Variants in RBFOX1 observed in about 807,000 individuals in gnomAD.
The protein encoded by RBFOX1 is RNA binding fox-1 homolog 1.
A neutral mutation model predicts 57.7 loss-of-function variants in RBFOX1; 8 were observed. That is an observed-to-expected ratio of 0.14 (90% CI 0.08 to 0.25). RBFOX1 has a LOEUF of 0.25. RBFOX1 is among the 10% of genes least tolerant of loss of function. The probability of loss-of-function intolerance (pLI) is 1.00; values close to 1 mark genes in which losing one functional copy is unlikely to be tolerated. For missense variants in RBFOX1, 611 were observed against 548.5 expected, an observed-to-expected ratio of 1.11 and a Z score of -1.14; for synonymous variants, 326 against 222.4, an observed-to-expected ratio of 1.47 and a Z score of -4.15.
chr16:5,496,447 C>G (rs1180775642), intron 2 of RBFOX1, among the ~76,000 whole-genome samples: 1 of 152,068 alleles, frequency 6.6e-6, no homozygotes, highest in Admixed American at 6.6e-5. Flanking sequence ...TCGAATGTGT[C>G]CATCTCAGAG....
At chr16:5,273,512 G>A (rs1260503245) in intron 1 of RBFOX1, among the ~76,000 whole-genome samples, 2 of 152,154 alleles carry the variant, frequency 1.3e-5, no homozygotes, top group African/African-American at 2.4e-5. Context: ...TGAAGAGGGC[G>A]GGTGAAGCTT....
chr16:5,319,160 T>A (rs368356315), intron 1 of RBFOX1, among the ~76,000 whole-genome samples: 2 of 148,848 alleles, frequency 1.3e-5, no homozygotes, highest in African/African-American at 5.1e-5. Context: ...CAAAAAAACA[T>A]AAAAAACCAG....
At chr16:6,450,441 A>G (rs75036208) in intron 2 of RBFOX1, among the ~76,000 whole-genome samples, 3,227 of 151,762 alleles carry the variant, frequency 0.021, 102 homozygotes, top group African/African-American at 0.071. Context: ...TATTTTCACA[A>G]TATAGGTACC....
At chr16:7,148,446 A>T (rs2075467379) in intron 4 of RBFOX1, among the ~76,000 whole-genome samples, 1 of 152,178 alleles carries the variant, frequency 6.6e-6, no homozygotes, top group Non-Finnish European at 1.5e-5. Flanking sequence ...TGTATTTTAA[A>T]ACCTCTTTTG....
chr16:7,010,865 C>G (rs912722033), intron 3 of RBFOX1, among the ~76,000 whole-genome samples: 1 of 152,210 alleles, frequency 6.6e-6, no homozygotes, highest in Non-Finnish European at 1.5e-5. Flanking sequence ...GCATGAGCCA[C>G]TGCTCCCGGC....
chr16:5,710,999 C>A (rs1002034062), intron 3 of RBFOX1, among the ~76,000 whole-genome samples: 1 of 152,132 alleles, frequency 6.6e-6, no homozygotes, highest in Non-Finnish European at 1.5e-5. Context: ...TTGTGCCTGA[C>A]CCTAGGGTAA....
chr16:7,531,288 A>G (rs1038882818), intron 5 of RBFOX1, among the ~76,000 whole-genome samples: 1 of 152,210 alleles, frequency 6.6e-6, no homozygotes, highest in Non-Finnish European at 1.5e-5. Flanking sequence ...AAGTTACAAA[A>G]GAGGAAGCAG....
chr16:7,006,999 A>G (rs2093343370), intron 3 of RBFOX1, among the ~76,000 whole-genome samples: 1 of 152,190 alleles, frequency 6.6e-6, no homozygotes. Flanking sequence ...CCTTGAAATA[A>G]CAAATACATA....
chr16:5,693,955 T>G (rs756705060), intron 3 of RBFOX1, among the ~76,000 whole-genome samples: 6 of 152,184 alleles, frequency 3.9e-5, no homozygotes, highest in Admixed American at 6.5e-5. Flanking sequence ...TTACCCATTT[T>G]CCCCAGTTAG....
Position 5,643,865 on chromosome 16 carries a change from G to A in RBFOX1, c.318+44904G>A, listed in dbSNP as rs563866225. On this transcript the variant is annotated intron_variant, in intron 3 of 19. Coordinates refer to the RBFOX1 transcript ENST00000641259. ...GTGGGATGGAGCTCACCCTGCACACGCATAAACAGTATGAATAAAAATTAA... is the reference window on the plus strand; with the variant it reads ...GTGGGATGGAGCTCACCCTGCACACACATAAACAGTATGAATAAAAATTAA... Among the ~76,000 whole-genome samples, 10 of 152,238 alleles carry A rather than the reference G, an allele frequency of 6.6e-5. 1 individual carries two copies. Among genetic ancestry groups the A allele is most frequent in the Admixed American group, 6.5e-4 (10 of 15,298 alleles).
chr16:7,207,447 C>G (rs766524071), intron 4 of RBFOX1, among the ~76,000 whole-genome samples: 1 of 152,138 alleles, frequency 6.6e-6, no homozygotes, highest in Non-Finnish European at 1.5e-5. Context: ...CAAAACATAA[C>G]ATTTTATTAA....
At chr16:6,626,302 C>T (rs945274223) in intron 2 of RBFOX1, among the ~76,000 whole-genome samples, 1 of 151,970 alleles carries the variant, frequency 6.6e-6, no homozygotes, top group African/African-American at 2.4e-5. Flanking sequence ...CACTAGAGGC[C>T]CAGGTCACCC....
chr16:6,718,035 G>A (rs1258943382), intron 3 of RBFOX1, among the ~76,000 whole-genome samples: 4 of 152,120 alleles, frequency 2.6e-5, no homozygotes, highest in African/African-American at 7.2e-5. Context: ...CATCACTGGT[G>A]TTTCATCCCA....
chr16:6,838,891 A>T, intron 3 of RBFOX1, among the ~76,000 whole-genome samples: 1 of 151,924 alleles, frequency 6.6e-6, no homozygotes, highest in South Asian at 2.1e-4. Flanking sequence ...CAGAAAAAGG[A>T]TTCTTCATTA....
intron 2 of RBFOX1, among the ~76,000 whole-genome samples, chr16:5,561,888 G>T (rs2045902368): frequency 6.6e-6 from 1 of 152,154 alleles, no homozygotes; most frequent in Non-Finnish European, 1.5e-5. Context: ...TATTGCAAAT[G>T]CATCCCATCC....
intron 3 of RBFOX1, among the ~76,000 whole-genome samples, chr16:5,746,342 C>A (rs184637097): frequency 6.6e-6 from 1 of 152,134 alleles, no homozygotes; most frequent in Non-Finnish European, 1.5e-5. Context: ...GTTACTGTAG[C>A]CTTGTAGTAT....
chr16:6,270,253 G>A (rs1306774000), intron 1 of RBFOX1, among the ~76,000 whole-genome samples: 1 of 151,952 alleles, frequency 6.6e-6, no homozygotes, highest in Non-Finnish European at 1.5e-5. Flanking sequence ...ACATTAAATG[G>A]CAATGGCCTA....
chr16:7,029,077 T>C (rs1485891556), intron 3 of RBFOX1, among the ~76,000 whole-genome samples: 5 of 44,566 alleles, frequency 1.1e-4, no homozygotes, highest in African/African-American at 5.2e-4. Flanking sequence ...TATATATATA[T>C]ATATACACAC....
At chr16:7,098,998 C>G (rs990535772) in intron 4 of RBFOX1, among the ~76,000 whole-genome samples, 2 of 152,092 alleles carry the variant, frequency 1.3e-5, no homozygotes, top group African/African-American at 2.4e-5. Context: ...ATGGCTGCCT[C>G]TTTTTGGTGG....
Sources: gnomAD v4.1 joint callset for allele counts (sites outside exome capture counted in the v4.1 genomes callset) on GRCh38, gnomAD v4.1.1 for gene constraint, MANE v1.5 for transcripts, NCBI Gene and HGNC (gene_info 2026-07-23, HGNC 2026-07-21) for gene names.